Variants in TLR6 observed in about 807,000 individuals in gnomAD.
TLR6 encodes the protein toll like receptor 6.
In TLR6, 9 loss-of-function variants were observed where a neutral mutation model predicts 16.1. The observed-to-expected ratio is 0.56, with a 90% confidence interval of 0.34 to 0.98. TLR6 has a LOEUF of 0.98. TLR6 is among the 50% of genes least tolerant of loss of function. The pLI, the probability that TLR6 is intolerant of heterozygous loss-of-function variation, is 0.02. For missense variants in TLR6, 786 were observed against 921.0 expected (o/e 0.85, Z 1.90); for synonymous variants, 340 against 338.6 (o/e 1.00, Z -0.04).
At chr4:38,833,203 C>G (rs1240213646) in intron 1 of TLR6, among the ~76,000 whole-genome samples, 1 of 152,172 alleles carries the variant, frequency 6.6e-6, no homozygotes, top group Non-Finnish European at 1.5e-5. Flanking sequence ...CCCACTTGGT[C>G]CATTACTGCC....
exon 2 of TLR6, chr4:38,829,215 T>C (rs781299565): frequency 6.2e-7 from 1 of 1,614,082 alleles, no homozygotes; most frequent in Admixed American, 1.7e-5. Context: ...AGCTGGATTC[T>C]GTTATGGGAA....
chr4:38,829,501 T>G, exon 2 of TLR6: 2 of 1,444,528 alleles, frequency 1.4e-6, no homozygotes, highest in Non-Finnish European at 1.9e-6. Flanking sequence ...CCTAAAGGGT[T>G]GTTCTTCTTC....
Position 38,853,929 on chromosome 4 carries a change from G to A in TLR6, c.-65+2832C>T, listed in dbSNP as rs551591117. ...ATATTTTCACTATATGTGACAAAAAGCAGTTTATTTAAAAAGTACCAAAGT... is the reference window on the plus strand; with the variant it reads ...ATATTTTCACTATATGTGACAAAAAACAGTTTATTTAAAAAGTACCAAAGT... On this transcript the variant is annotated intron_variant, in intron 1 of 1. Coordinates refer to ENST00000436693, the Ensembl canonical transcript of TLR6. 1.4e-4 allele frequency among the ~76,000 whole-genome samples: 21 copies of A among 152,192 alleles called. No homozygotes were observed. The South Asian group carries it at 4.1e-3, about 30-fold the overall frequency.
At chr4:38,831,306 AG>A (rs1275493402) in intron 1 of TLR6, among the ~76,000 whole-genome samples, 46 of 137,834 alleles carry the variant, frequency 3.3e-4, no homozygotes, top group African/African-American at 1.1e-3. Flanking sequence ...AAAAAAAAAA[AG>A]AAGAAGAAGA....
At chr4:38,827,359 G>A in exon 2 of TLR6, 12 of 1,614,182 alleles carry the variant, frequency 7.4e-6, no homozygotes, top group Middle Eastern at 1.6e-4. Context: ...TCTGGACAAA[G>A]TTGGGAGACA....
At chr4:38,860,471 C>CAA (rs57276680), upstream of TLR6, among the ~76,000 whole-genome samples, 34 of 113,636 alleles carry the variant, frequency 3.0e-4, no homozygotes, top group Admixed American at 5.8e-4. Flanking sequence ...GACTCTGTCT[C>CAA]AAAAAAAAAA....
chr4:38,857,186 T>C (rs1713021982), upstream of TLR6, among the ~76,000 whole-genome samples: 1 of 152,338 alleles, frequency 6.6e-6, no homozygotes, highest in Non-Finnish European at 1.5e-5. Flanking sequence ...GTTTCCCTTA[T>C]CAAGCAATTT....
intron 1 of TLR6, among the ~76,000 whole-genome samples, chr4:38,852,773 A>G (rs1054702218): frequency 6.6e-6 from 1 of 151,982 alleles, no homozygotes; most frequent in African/African-American, 2.4e-5. Context: ...ACACTTTTAC[A>G]CTGTTGGTGG....
chr4:38,849,829 G>A (rs112086229), intron 1 of TLR6, among the ~76,000 whole-genome samples: 37,283 of 151,890 alleles, frequency 0.25, 5,054 homozygotes, highest in Non-Finnish European at 0.28. Context: ...ACAGATCAAC[G>A]AGACAGAAAG....
chr4:38,834,371 A>C (rs1341585822), intron 1 of TLR6, among the ~76,000 whole-genome samples: 1 of 150,964 alleles, frequency 6.6e-6, no homozygotes, highest in Non-Finnish European at 1.5e-5. Context: ...AAAAGGAATA[A>C]AAAAGAATAA....
At position 38,827,745 on chromosome 4, in the gene TLR6, T is replaced by C. The variant is rs745313426; in HGVS notation, c.1729A>G (p.Met577Val). The C allele has an allele frequency of 2.5e-6, 4 of 1,614,256 alleles. No individual in the cohort carries two copies. The South Asian group carries it at 3.3e-5, about 13-fold the overall frequency. Residue 577 changes from methionine to valine, a missense_variant, in exon 2 of 2, where the codon ATG becomes GTG. By Grantham distance (21) the Met-to-Val change is conservative (BLOSUM62 1). Transcript: ENST00000436693. ...GTTATGTTGCAGGATAATTCAGACA[T>C]GTGAAAGTCCTTTAGTGGGCTTCCT...
chr4:38,823,794 T>A (rs570922011), exon 2 of TLR6: 1 of 152,128 alleles, frequency 6.6e-6, no homozygotes, highest in African/African-American at 2.4e-5. Flanking sequence ...AAAGCGCGCA[T>A]CCTACCGGGG....
chr4:38,825,808 A>G (rs1727517379), exon 2 of TLR6: 1 of 152,240 alleles, frequency 6.6e-6, no homozygotes, highest in Admixed American at 6.5e-5. Context: ...AGAAATTCAC[A>G]TCCTTTTACC....
intron 1 of TLR6, among the ~76,000 whole-genome samples, chr4:38,842,833 C>A (rs1712346807): frequency 6.6e-6 from 1 of 151,428 alleles, no homozygotes; most frequent in Non-Finnish European, 1.5e-5. Context: ...CGGGCCATAG[C>A]AATGACACAT....
exon 2 of TLR6, chr4:38,828,681 A>C (rs578223434): frequency 6.2e-7 from 1 of 1,614,172 alleles, no homozygotes; most frequent in South Asian, 1.1e-5. Flanking sequence ...CTGACCAGGC[A>C]TTTCCAAGTC....
chr4:38,842,710 C>T (rs1043041902), intron 1 of TLR6, among the ~76,000 whole-genome samples: 6 of 152,246 alleles, frequency 3.9e-5, no homozygotes, highest in Non-Finnish European at 8.8e-5. Context: ...CCGACAGGGG[C>T]ATCCTGGCCG....
chr4:38,843,754 A>G (rs1712391209), intron 1 of TLR6: 2 of 152,262 alleles, frequency 1.3e-5, no homozygotes, highest in Non-Finnish European at 2.9e-5. Flanking sequence ...CAGAACACCC[A>G]CAGAGACACA....
intron 1 of TLR6, among the ~76,000 whole-genome samples, chr4:38,840,053 G>T (rs1712175023): frequency 6.6e-6 from 1 of 152,168 alleles, no homozygotes. Context: ...ACTTGATTTG[G>T]AATTAGGTGT....
intron 1 of TLR6, among the ~76,000 whole-genome samples, chr4:38,843,988 T>A (rs56245262): frequency 0.31 from 46,450 of 152,108 alleles, 8,229 homozygotes; most frequent in East Asian, 0.58. Context: ...GAGTTCCAAC[T>A]AGTACTTAAT....
Sources: gnomAD v4.1 joint callset for allele counts (sites outside exome capture counted in the v4.1 genomes callset) on GRCh38, gnomAD v4.1.1 for gene constraint, MANE v1.5 for transcripts, NCBI Gene and HGNC (gene_info 2026-07-23, HGNC 2026-07-21) for gene names.